Variants in PRKCE observed in about 807,000 individuals in gnomAD.
The protein encoded by PRKCE is protein kinase C epsilon.
In PRKCE, 16 loss-of-function variants were observed where a neutral mutation model predicts 85.4. That is an observed-to-expected ratio of 0.19 (90% confidence interval 0.13 to 0.28). The LOEUF is 0.28. Among genes scored for constraint, PRKCE ranks in the 10% least tolerant of loss-of-function variants. PRKCE has a pLI of 1.00. For synonymous variants in PRKCE, 388 were observed against 371.5 expected, an observed-to-expected ratio of 1.04 and a Z score of -0.51; for missense variants, 573 against 975.2, an observed-to-expected ratio of 0.59 and a Z score of 5.49.
At chr2:45,700,949 G>T (rs753729379) in intron 1 of PRKCE, among the ~76,000 whole-genome samples, 2 of 152,176 alleles carry the variant, frequency 1.3e-5, no homozygotes, top group African/African-American at 2.4e-5. Flanking sequence ...AGCAAGGAAG[G>T]ACCCTCCTTT....
chr2:46,133,507 A>G (rs568719434), intron 11 of PRKCE, among the ~76,000 whole-genome samples: 20 of 152,212 alleles, frequency 1.3e-4, no homozygotes, highest in African/African-American at 4.3e-4. Context: ...AATAACTATT[A>G]TAGAATTATT....
chr2:45,853,875 C>T (rs987744280), intron 2 of PRKCE, among the ~76,000 whole-genome samples: 3 of 152,132 alleles, frequency 2.0e-5, no homozygotes, highest in African/African-American at 7.2e-5. Flanking sequence ...GGCCCGCATG[C>T]ACACCAAGTC....
intron 6 of PRKCE, among the ~76,000 whole-genome samples, chr2:45,994,530 G>C (rs949317714): frequency 1.3e-5 from 2 of 152,226 alleles, no homozygotes; most frequent in South Asian, 4.2e-4. Context: ...CCTATAGTTG[G>C]AATGATACAG....
chr2:46,010,379 A>G lies in PRKCE; in HGVS notation c.1299A>G (p.Val433=), dbSNP rs375524572. The change falls in exon 10 of 15, where the codon GTA becomes GTG. Residue 433 remains valine (V), a synonymous_variant. Coordinates refer to ENST00000306156, the MANE Select transcript of PRKCE (RefSeq NM_005400.3). The part of the protein sequence containing the change: ...MLAELKGKDE[V]YAVKVLKKDV... ...CAGAACTCAAGGGCAAAGATGAAGT[A>G]TATGCTGTGAAGGTCTTAAAGAAGG... 6.9e-6 allele frequency: 11 copies of G among 1,599,270 alleles called. No individual in the cohort carries two copies. The highest frequency in any genetic ancestry group is 6.7e-5 in the African/African-American group (5 of 74,926).
In PRKCE at chr2:46,004,748, A is replaced by G; in HGVS notation, c.1063+110A>G. Reference sequence around the variant, plus strand: ...GAGCTTGTTAGCTGAAATAGCTAGCAGCCCTGGTGGGTTTTCACACACCCG... The same window carrying G: ...GAGCTTGTTAGCTGAAATAGCTAGCGGCCCTGGTGGGTTTTCACACACCCG... On this transcript the variant is annotated intron_variant, in intron 8 of 14. Coordinates refer to ENST00000306156, the MANE Select transcript of PRKCE (RefSeq NM_005400.3). The surrounding 1 kb of genome is among the most constrained non-coding windows in gnomAD (Gnocchi z 4.1). 1 of 952,338 alleles carries G rather than the reference A, an allele frequency of 1.1e-6. No homozygotes were observed. Among genetic ancestry groups the G allele is most frequent in the East Asian group, 2.7e-5 (1 of 37,542 alleles). The allele number at this position is 952,338 out of a possible 1,614,324, so 59.0% of individuals were successfully genotyped here. A position where few individuals can be genotyped will look rare whatever the true frequency, so the allele number is the denominator to read the frequency against.
At chr2:45,694,931 A>G (rs1678019315) in intron 1 of PRKCE, among the ~76,000 whole-genome samples, 2 of 152,196 alleles carry the variant, frequency 1.3e-5, no homozygotes, top group Non-Finnish European at 2.9e-5. Context: ...AAGGGATCAC[A>G]TGAGGAGATC....
At chr2:45,854,182 G>T (rs903603239) in intron 2 of PRKCE, among the ~76,000 whole-genome samples, 4 of 152,218 alleles carry the variant, frequency 2.6e-5, no homozygotes, top group African/African-American at 9.7e-5. Flanking sequence ...CTGGCCCGGT[G>T]CAGTGTGGCT....
At chr2:46,061,435 TTC>T (rs201797616) in intron 10 of PRKCE, among the ~76,000 whole-genome samples, 7,037 of 115,910 alleles carry the variant, frequency 0.061, 441 homozygotes, top group African/African-American at 0.21. Flanking sequence ...ATTCTTTTTT[TTC>T]CCCCCTATAA....
chr2:46,134,672 T>C (rs1429051793), intron 11 of PRKCE, among the ~76,000 whole-genome samples: 3 of 152,244 alleles, frequency 2.0e-5, no homozygotes, highest in Non-Finnish European at 2.9e-5. Flanking sequence ...GATTAACTCA[T>C]CCAGCCGTCT....
intron 11 of PRKCE, among the ~76,000 whole-genome samples, chr2:46,090,897 T>G (rs1221874809): frequency 6.6e-6 from 1 of 152,202 alleles, no homozygotes; most frequent in Admixed American, 6.5e-5. Context: ...AAGACCAAAT[T>G]TAGGAGGACA....
intron 2 of PRKCE, among the ~76,000 whole-genome samples, chr2:45,856,001 C>T (rs1692639852): frequency 6.6e-6 from 1 of 152,010 alleles, no homozygotes; most frequent in East Asian, 1.9e-4. Flanking sequence ...ACCCTCCCTT[C>T]CCTCAACAAA....
Position 45,766,090 on chromosome 2 carries a change from A to C in PRKCE, c.349-76910A>C, listed in dbSNP as rs116457918. Among the ~76,000 whole-genome samples, 64 of 152,346 alleles carry C rather than the reference A, an allele frequency of 4.2e-4. 1 individual carries two copies. Among genetic ancestry groups the C allele is most frequent in the African/African-American group, 1.5e-3 (62 of 41,566 alleles). Reference sequence around the variant, plus strand: ...ATTTTAGGACTCTGGCAAGCACAGCAGTTCCCTTGCATTGCTGGCAGGTAC... The same window carrying C: ...ATTTTAGGACTCTGGCAAGCACAGCCGTTCCCTTGCATTGCTGGCAGGTAC... On this transcript the variant is annotated intron_variant, in intron 1 of 14. Transcript: ENST00000306156.
intron 7 of PRKCE, among the ~76,000 whole-genome samples, chr2:46,002,661 G>T (rs1312927931): frequency 6.6e-6 from 1 of 152,132 alleles, no homozygotes; most frequent in Non-Finnish European, 1.5e-5. Context: ...TTGTGCTTTT[G>T]GTGGCTCTTC....
At chr2:45,971,354 G>A (rs975716266) in intron 2 of PRKCE, among the ~76,000 whole-genome samples, 2 of 152,112 alleles carry the variant, frequency 1.3e-5, no homozygotes, top group African/African-American at 2.4e-5. Context: ...TCTTTTCTGT[G>A]TCTGAGTAAC....
At chr2:46,151,652 A>C (rs1421628267) in intron 13 of PRKCE, among the ~76,000 whole-genome samples, 1 of 119,038 alleles carries the variant, frequency 8.4e-6, no homozygotes, top group Non-Finnish European at 1.7e-5. Flanking sequence ...TGGAGAACAG[A>C]GAGGAGGGGA....
At chr2:46,025,242 C>G (rs1343999531) in intron 10 of PRKCE, among the ~76,000 whole-genome samples, 3 of 152,110 alleles carry the variant, frequency 2.0e-5, no homozygotes, top group Non-Finnish European at 1.5e-5. Flanking sequence ...GTAACTGAAC[C>G]CTGAAGTGTT....
intron 1 of PRKCE, among the ~76,000 whole-genome samples, chr2:45,705,043 T>C (rs1451195436): frequency 6.6e-6 from 1 of 152,168 alleles, no homozygotes; most frequent in Admixed American, 6.5e-5. Context: ...ATAAAGCAGG[T>C]GGAGTACTTC....
chr2:45,741,316 C>T (rs1270585604), intron 1 of PRKCE, among the ~76,000 whole-genome samples: 1 of 152,190 alleles, frequency 6.6e-6, no homozygotes. Flanking sequence ...ATCTTTTCCT[C>T]ATGGTTGTTT....
chr2:45,779,980 C>T (rs192375176), intron 1 of PRKCE, among the ~76,000 whole-genome samples: 2 of 152,300 alleles, frequency 1.3e-5, no homozygotes, highest in East Asian at 3.9e-4. Context: ...CTACCTCACT[C>T]CATAGGTTCT....
Sources: gnomAD v4.1 joint callset for allele counts (sites outside exome capture counted in the v4.1 genomes callset) on GRCh38, gnomAD v4.1.1 for gene constraint, Gnocchi (gnomAD v3.1) non-coding constraint, MANE v1.5 for transcripts, NCBI Gene and HGNC (gene_info 2026-07-23, HGNC 2026-07-21) for gene names.